Variants in RGSL1 observed in about 807,000 individuals in gnomAD.
RGSL1 encodes the protein regulator of G protein signaling protein-like.
RGSL1 carries 97 observed loss-of-function variants against 124.7 expected under a neutral mutation model. The ratio of observed to expected loss-of-function variants is 0.78; its 90% CI spans 0.66 to 0.92. RGSL1 has a LOEUF of 0.92. Ranked by LOEUF, RGSL1 falls within the 40% of genes least tolerant of loss-of-function variation. The pLI, the probability that RGSL1 is intolerant of heterozygous loss-of-function variation, is 0.00. For synonymous variants in RGSL1, 424 were observed against 438.1 expected (o/e 0.97, Z 0.40); for missense variants, 1,233 against 1,288.4 (o/e 0.96, Z 0.66).
intron 10 of RGSL1, among the ~76,000 whole-genome samples, chr1:182,526,128 C>G (rs1418025655): frequency 6.6e-6 from 1 of 152,160 alleles, no homozygotes; most frequent in Non-Finnish European, 1.5e-5. Context: ...CAGGCACAGG[C>G]AGCTTCACTG....
At chr1:182,542,478 C>T (rs759069284) in intron 15 of RGSL1, among the ~76,000 whole-genome samples, 2 of 152,058 alleles carry the variant, frequency 1.3e-5, no homozygotes, top group African/African-American at 2.4e-5. Flanking sequence ...TTTGTAGTAT[C>T]TTTTGAGGTC....
chr1:182,478,453 G>T (rs1051121440), intron 6 of RGSL1, among the ~76,000 whole-genome samples: 12 of 152,122 alleles, frequency 7.9e-5, no homozygotes, highest in Non-Finnish European at 1.5e-5. Flanking sequence ...GCTTGATTAG[G>T]CTTCAAAGGC....
chr1:182,497,140 C>T (rs2102129810), intron 9 of RGSL1, among the ~76,000 whole-genome samples: 1 of 151,854 alleles, frequency 6.6e-6, no homozygotes, highest in East Asian at 1.9e-4. Context: ...ATAATAATGG[C>T]AAGACAGTAA....
intron 8 of RGSL1, among the ~76,000 whole-genome samples, chr1:182,490,116 T>C (rs1655409841): frequency 6.6e-6 from 1 of 152,246 alleles, no homozygotes; most frequent in Non-Finnish European, 1.5e-5. Flanking sequence ...CATTCTTTAT[T>C]CTATTATGTT....
chr1:182,512,915 T>C (rs958552448), intron 9 of RGSL1, among the ~76,000 whole-genome samples: 1 of 152,226 alleles, frequency 6.6e-6, no homozygotes, highest in Non-Finnish European at 1.5e-5. Context: ...TCTCCTCTCC[T>C]TCTCTGCCAT....
At chr1:182,481,642 C>A (rs1373052348) in intron 6 of RGSL1, among the ~76,000 whole-genome samples, 1 of 152,138 alleles carries the variant, frequency 6.6e-6, no homozygotes, top group Non-Finnish European at 1.5e-5. Flanking sequence ...GAAAAGTAAA[C>A]CACGGGTCAA....
chr1:182,499,811 CTT>C lies in RGSL1; in HGVS notation c.1825+6684_1825+6685del, dbSNP rs1276161658. 3.3e-5 allele frequency among the ~76,000 whole-genome samples: 5 copies of C among 152,152 alleles called. No individual in the cohort carries two copies. In the East Asian group the frequency reaches 9.6e-4, roughly 29 times the overall value. ...TGCTTTTGTGGTAGTCAATAACAGT[CTT>C]TCATTTCCATATTTAGCACTCCCTT... On this transcript the variant is annotated intron_variant, in intron 9 of 21. Coordinates refer to ENST00000294854, the MANE Select transcript of RGSL1 (RefSeq NM_001137669.2).
chr1:182,463,250 C>T (rs1349189282), intron 4 of RGSL1, among the ~76,000 whole-genome samples: 7 of 148,222 alleles, frequency 4.7e-5, no homozygotes, highest in Non-Finnish European at 7.4e-5. Context: ...GTGGAGATCA[C>T]GCCACTGCAC....
At chr1:182,482,124 G>A (rs567737577) in intron 6 of RGSL1, among the ~76,000 whole-genome samples, 2 of 152,282 alleles carry the variant, frequency 1.3e-5, no homozygotes, top group East Asian at 3.9e-4. Context: ...AACAGAATTA[G>A]AGGTAAAAAT....
intron 15 of RGSL1, among the ~76,000 whole-genome samples, chr1:182,541,666 G>A (rs1030653982): frequency 5.3e-5 from 8 of 152,298 alleles, no homozygotes; most frequent in African/African-American, 1.9e-4. Flanking sequence ...GTTTTCCACA[G>A]TGGCTATACT....
At chr1:182,497,059 T>G (rs541840051) in intron 9 of RGSL1, among the ~76,000 whole-genome samples, 114 of 152,258 alleles carry the variant, frequency 7.5e-4, no homozygotes, top group African/African-American at 2.7e-3. Flanking sequence ...TGTGGACTAA[T>G]GTAATATTCT....
chr1:182,523,885 G>A (rs933388902), intron 10 of RGSL1, among the ~76,000 whole-genome samples: 2 of 152,162 alleles, frequency 1.3e-5, no homozygotes, highest in African/African-American at 2.4e-5. Flanking sequence ...TGAAAGGAGA[G>A]AGAAATTTTG....
rs200178022 is a variant in RGSL1, at chr1:182,472,082, A to AT, written c.302-306dup. ...AATGTGGTTTTTTTCCCCAATCTTC[A>AT]TTTTTTTTGGACAAAATTTAATTAC... On this transcript the variant is annotated intron_variant, in intron 4 of 21. Transcript: ENST00000294854. Among the ~76,000 whole-genome samples, 1,095 of 151,766 alleles carry AT rather than the reference A, an allele frequency of 7.2e-3. 26 individuals are homozygous for AT. Among genetic ancestry groups the AT allele is most frequent in the African/African-American group, 0.025 (1,054 of 41,338 alleles).
intron 3 of RGSL1, among the ~76,000 whole-genome samples, chr1:182,459,642 T>G (rs1161424811): frequency 6.6e-6 from 1 of 152,244 alleles, no homozygotes; most frequent in African/African-American, 2.4e-5. Flanking sequence ...AAGAAGCAAG[T>G]TGAATAGAGT....
At chr1:182,460,813 T>C (rs1652766300) in intron 4 of RGSL1, 2 of 438,300 alleles carry the variant, frequency 4.6e-6, no homozygotes, top group Non-Finnish European at 9.1e-6. Flanking sequence ...GGGGGAAACT[T>C]TAGACAGTAA....
chr1:182,470,950 C>T (rs933855954), intron 4 of RGSL1, among the ~76,000 whole-genome samples: 1 of 152,054 alleles, frequency 6.6e-6, no homozygotes, highest in Non-Finnish European at 1.5e-5. Context: ...AACTAACCCC[C>T]TTCAATATAT....
At chr1:182,477,374 C>T (rs1032202107) in intron 6 of RGSL1, among the ~76,000 whole-genome samples, 1 of 152,192 alleles carries the variant, frequency 6.6e-6, no homozygotes, top group Non-Finnish European at 1.5e-5. Context: ...CAATGCCTTT[C>T]GGTCTCATTA....
At chr1:182,468,093 G>A (rs529436560) in intron 4 of RGSL1, among the ~76,000 whole-genome samples, 1 of 152,188 alleles carries the variant, frequency 6.6e-6, no homozygotes, top group African/African-American at 2.4e-5. Context: ...AGTTAGAATG[G>A]CGATCATTAA....
intron 14 of RGSL1, among the ~76,000 whole-genome samples, chr1:182,533,296 C>CTTT (rs71573276): frequency 0.091 from 9,757 of 107,554 alleles, 581 homozygotes; most frequent in East Asian, 0.23. Context: ...TAACTTGCTT[C>CTTT]TTTTTTTTTT....
Sources: gnomAD v4.1 joint callset for allele counts (sites outside exome capture counted in the v4.1 genomes callset) on GRCh38, gnomAD v4.1.1 for gene constraint, MANE v1.5 for transcripts, NCBI Gene and HGNC (gene_info 2026-07-23, HGNC 2026-07-21) for gene names.